The following UNC13C variants were observed in gnomAD, a reference collection of about 807,000 sequenced individuals.
UNC13C encodes unc-13 homolog C, also known as protein unc-13 homolog C.
A neutral mutation model predicts 245.4 loss-of-function variants in UNC13C; 174 were observed. The ratio of observed to expected loss-of-function variants is 0.71; its 90% CI spans 0.63 to 0.80. The LOEUF is 0.80. UNC13C is among the 30% of genes least tolerant of loss of function. UNC13C has a pLI of 0.00. For synonymous variants in UNC13C, 992 were observed against 895.1 expected (o/e 1.11, Z -1.93); for missense variants, 2,829 against 2,602.9 (o/e 1.09, Z -1.89).
chr15:54,315,970 G>A (rs1245646360), intron 13 of UNC13C, among the ~76,000 whole-genome samples: 1 of 151,510 alleles, frequency 6.6e-6, no homozygotes, highest in Non-Finnish European at 1.5e-5. Flanking sequence ...TCTCTTCATA[G>A]CCTCCTAATT....
intron 2 of UNC13C, among the ~76,000 whole-genome samples, chr15:54,139,342 G>A (rs188795445): frequency 3.3e-5 from 5 of 152,008 alleles, no homozygotes; most frequent in African/African-American, 9.6e-5. Context: ...AACTAGTTCC[G>A]TCTGCAGTGG....
intron 2 of UNC13C, chr15:54,050,699 A>G (rs748020165): frequency 3.6e-6 from 2 of 549,958 alleles, no homozygotes; most frequent in Non-Finnish European, 3.6e-6. Context: ...GTGAAGATCT[A>G]TAGGGTAAAT....
intron 4 of UNC13C, among the ~76,000 whole-genome samples, chr15:54,171,072 A>G (rs985343128): frequency 2.6e-5 from 4 of 152,182 alleles, no homozygotes; most frequent in East Asian, 1.9e-4. Flanking sequence ...AAATGTACAC[A>G]TGCTTATATA....
chr15:54,024,549 C>A (rs1218690833), intron 2 of UNC13C, among the ~76,000 whole-genome samples: 2 of 152,152 alleles, frequency 1.3e-5, no homozygotes, highest in African/African-American at 2.4e-5. Context: ...GGCTGTAAAA[C>A]TGGACAGAGC....
intron 4 of UNC13C, among the ~76,000 whole-genome samples, chr15:54,193,189 G>A (rs1430828785): frequency 1.3e-5 from 2 of 152,130 alleles, no homozygotes; most frequent in Non-Finnish European, 1.5e-5. Context: ...CAAGGTGAAA[G>A]ATTTGGGCTT....
chr15:53,906,937 C>G, the UNC13C span, among the ~76,000 whole-genome samples: 1 of 152,070 alleles, frequency 6.6e-6, no homozygotes, highest in Non-Finnish European at 1.5e-5. Flanking sequence ...AGAACTCACT[C>G]ACGATCATGA....
intron 4 of UNC13C, among the ~76,000 whole-genome samples, chr15:54,201,522 A>G (rs1218656565): frequency 1.3e-5 from 2 of 152,110 alleles, no homozygotes; most frequent in Non-Finnish European, 2.9e-5. Flanking sequence ...ACTTAAGTCA[A>G]TAAATATGAT....
intron 4 of UNC13C, among the ~76,000 whole-genome samples, chr15:54,176,948 A>T: frequency 6.6e-6 from 1 of 152,098 alleles, no homozygotes; most frequent in Admixed American, 6.5e-5. Context: ...TATCATGGGA[A>T]CACCAGTAGC....
the UNC13C span, among the ~76,000 whole-genome samples, chr15:53,880,261 C>A: frequency 6.6e-6 from 1 of 152,066 alleles, no homozygotes; most frequent in Non-Finnish European, 1.5e-5. Flanking sequence ...TTACTAGGAT[C>A]TGAGAACCAG....
At position 54,448,956 on chromosome 15, in the gene UNC13C, G is replaced by A. The variant is rs547423331; in HGVS notation, c.4933+33889G>A. 1.5e-3 allele frequency among the ~76,000 whole-genome samples: 235 copies of A among 152,288 alleles called. 1 individual carries two copies. Among genetic ancestry groups the A allele is most frequent in the African/African-American group, 5.5e-3 (227 of 41,552 alleles). On this transcript the variant is annotated intron_variant, in intron 19 of 32. Transcript: ENST00000260323. ...TTTAGTGCTTCCTTCAGGAGCTCTT[G>A]CAGGGCAGGCCTGGTGATGACAAAA... is the stretch of plus-strand genomic sequence containing the variant.
At chr15:54,618,506 C>T (rs1047533617) in intron 30 of UNC13C, among the ~76,000 whole-genome samples, 4 of 152,102 alleles carry the variant, frequency 2.6e-5, no homozygotes, top group Admixed American at 6.6e-5. Flanking sequence ...ATATTCAAAT[C>T]CATAGGAAAT....
At chr15:54,505,751 T>G (rs994412408) in intron 22 of UNC13C, among the ~76,000 whole-genome samples, 5 of 150,848 alleles carry the variant, frequency 3.3e-5, no homozygotes, top group East Asian at 1.9e-4. Context: ...ATTCTTTTTT[T>G]TTTTTTTTTT....
At chr15:54,594,685 C>T (rs544241571) in intron 30 of UNC13C, among the ~76,000 whole-genome samples, 1 of 152,298 alleles carries the variant, frequency 6.6e-6, no homozygotes, top group South Asian at 2.1e-4. Flanking sequence ...ATGCCCCCTG[C>T]AACATCCCCA....
At chr15:53,964,959 T>C in the UNC13C span, among the ~76,000 whole-genome samples, 8 of 152,178 alleles carry the variant, frequency 5.3e-5, no homozygotes, top group African/African-American at 1.7e-4. Flanking sequence ...ACACATCTTT[T>C]AGGTAAGAAA....
At chr15:54,203,221 T>C (rs1425473520) in intron 4 of UNC13C, among the ~76,000 whole-genome samples, 1 of 151,880 alleles carries the variant, frequency 6.6e-6, no homozygotes, top group Non-Finnish European at 1.5e-5. Flanking sequence ...ATTTTTACAC[T>C]GTTGGTGGGA....
chr15:54,064,522 A>G (rs1897986382), intron 2 of UNC13C, among the ~76,000 whole-genome samples: 1 of 152,180 alleles, frequency 6.6e-6, no homozygotes, highest in South Asian at 2.1e-4. Context: ...GGAAGCAGTG[A>G]AACAAATGCA....
At position 54,333,952 on chromosome 15, in the gene UNC13C, G is replaced by A. The variant is rs117997952; in HGVS notation, c.4584+96G>A. On this transcript the variant is annotated intron_variant, in intron 16 of 32. Transcript: ENST00000260323. The stretch of plus-strand genomic sequence containing the variant: ...TTTACCCTCCTCTTGATCAAGTACT[G>A]TGTTAACTCCATCGATTAAGCTGTA... The A allele has an allele frequency of 2.1e-3, 1,674 of 815,914 alleles. 22 individuals are homozygous for A. The Admixed American group carries it at 0.023, about 11-fold the overall frequency. The allele number at this position is 815,914 out of a possible 1,614,324, so 50.5% of individuals were successfully genotyped here.
Position 54,035,504 on chromosome 15 carries a change from A to G in UNC13C, c.2983+19618A>G, listed in dbSNP as rs569505832. Among the ~76,000 whole-genome samples, 22 of 152,294 alleles carry G rather than the reference A, an allele frequency of 1.4e-4. No individual in the cohort carries two copies. The South Asian group carries it at 4.1e-3, about 29-fold the overall frequency. Reference sequence around the variant, plus strand: ...ACTTCATAGGAACTCATTTTCTCCAACTGAGAGATCCTTCTGTATGGGAAG... The same window carrying G: ...ACTTCATAGGAACTCATTTTCTCCAGCTGAGAGATCCTTCTGTATGGGAAG... On this transcript the variant is annotated intron_variant, in intron 2 of 32. Transcript: ENST00000260323.
At chr15:54,035,536 C>T (rs761360246) in intron 2 of UNC13C, among the ~76,000 whole-genome samples, 1 of 152,174 alleles carries the variant, frequency 6.6e-6, no homozygotes, top group Non-Finnish European at 1.5e-5. Context: ...GAAGCTCCCT[C>T]TAAATTTCAC....
Sources: allele counts gnomAD v4.1 joint callset (sites outside exome capture counted in the v4.1 genomes callset), GRCh38; gene constraint gnomAD v4.1.1; transcripts MANE v1.5; gene names NCBI Gene and HGNC (gene_info 2026-07-23, HGNC 2026-07-21).